SLC9A4: variants seen among roughly 807,000 people sequenced by gnomAD.
SLC9A4 encodes sodium/hydrogen exchanger 4.
In SLC9A4, 63 loss-of-function variants were observed where a neutral mutation model predicts 67.4. The ratio of observed to expected loss-of-function variants is 0.93; its 90% CI spans 0.76 to 1.15. SLC9A4 has a LOEUF of 1.15. Among genes scored for constraint, SLC9A4 ranks in the 50% most tolerant of loss-of-function variants. SLC9A4 has a pLI of 0.00. For synonymous variants in SLC9A4, 393 were observed against 367.2 expected, an observed-to-expected ratio of 1.07 and a Z score of -0.80; for missense variants, 1,089 against 987.7, an observed-to-expected ratio of 1.10 and a Z score of -1.38.
At chr2:102,513,707 T>C (rs988606769) in intron 7 of SLC9A4, among the ~76,000 whole-genome samples, 1 of 152,256 alleles carries the variant, frequency 6.6e-6, no homozygotes, top group East Asian at 1.9e-4. Flanking sequence ...GCCGCTGTTA[T>C]GCGCTATTAG....
At chr2:102,524,206 T>C (rs1197537329) in intron 9 of SLC9A4, among the ~76,000 whole-genome samples, 1 of 152,262 alleles carries the variant, frequency 6.6e-6, no homozygotes, top group Non-Finnish European at 1.5e-5. Flanking sequence ...GAGCCCCTGC[T>C]GTCCCAATCC....
At chr2:102,506,014 A>G (rs1208748744) in intron 4 of SLC9A4, among the ~76,000 whole-genome samples, 2 of 152,224 alleles carry the variant, frequency 1.3e-5, no homozygotes, top group African/African-American at 4.8e-5. Flanking sequence ...AGGTGGTTTC[A>G]TTTGAGGGTT....
rs756778860 is a variant in SLC9A4, at chr2:102,512,459, G to A, written c.1559+186G>A. On this transcript the variant is annotated intron_variant, in intron 7 of 11. Coordinates refer to ENST00000295269, the MANE Select transcript of SLC9A4 (RefSeq NM_001011552.4). The stretch of plus-strand genomic sequence containing the variant: ...CTGGAAAATGAAGAATTGTCAGGTG[G>A]AAGACGCAGTTGACTTGGTGTAGGT... Among the ~76,000 whole-genome samples the A allele has an allele frequency of 1.9e-4, 29 of 152,348 alleles. No homozygotes were observed. The Middle Eastern group carries it at 0.01, about 54-fold the overall frequency.
At chr2:102,526,601 T>C (rs147163478) in intron 11 of SLC9A4, among the ~76,000 whole-genome samples, 29 of 152,326 alleles carry the variant, frequency 1.9e-4, no homozygotes, top group African/African-American at 6.7e-4. Context: ...AAAAATGTAC[T>C]AACCATTTGT....
chr2:102,507,227 A>C (rs572106231), intron 4 of SLC9A4, among the ~76,000 whole-genome samples: 3 of 152,254 alleles, frequency 2.0e-5, no homozygotes, highest in Non-Finnish European at 2.9e-5. Flanking sequence ...AAATTCACTT[A>C]TCTTTTGCAC....
chr2:102,526,329 G>T lies in SLC9A4; in HGVS notation c.2021G>T (p.Arg674Met), dbSNP rs773038353. The change falls in exon 11 of 12, where the codon AGG (arginine) becomes ATG (methionine). Residue 674 changes from arginine (R) to methionine (M), a missense_variant. By Grantham distance (91) the Arg-to-Met change is moderately conservative. Transcript: ENST00000295269. ...CCTCAGTCTGCAGGAAGAGACACAA[G>T]GGCTGCTGGGTTCTCAGGTAAGCTG... ...GNPQSAGRDT[R>M]AAGFSDDDSS... 7 of 1,613,650 alleles carry T rather than the reference G, an allele frequency of 4.3e-6. No homozygotes were observed. The South Asian group carries it at 7.7e-5, about 18-fold the overall frequency.
chr2:102,505,548 A>G, intron 4 of SLC9A4, 77 bp downstream of exon 4: 2 of 1,403,782 alleles, frequency 1.4e-6, no homozygotes, highest in East Asian at 4.6e-5. Flanking sequence ...CAATGTTAAA[A>G]CTGGAGGACT....
chr2:102,475,459 G>T (rs1163472414), intron 1 of SLC9A4, among the ~76,000 whole-genome samples: 13 of 152,158 alleles, frequency 8.5e-5, no homozygotes, highest in Non-Finnish European at 1.5e-5. Context: ...ACATCTAAAC[G>T]CAGAAAGGCT....
In SLC9A4 at chr2:102,532,945, C is replaced by T; in HGVS notation, c.*257C>T. The T allele has an allele frequency of 2.8e-6, 1 of 351,188 alleles. No individual in the cohort carries two copies. The highest frequency in any genetic ancestry group is 5.2e-6 in the Non-Finnish European group (1 of 191,920). The allele number at this position is 351,188 out of a possible 1,614,324, so 21.8% of individuals were successfully genotyped here. On this transcript the variant is annotated 3_prime_UTR_variant, in exon 12 of 12. Coordinates refer to ENST00000295269, the MANE Select transcript of SLC9A4 (RefSeq NM_001011552.4). ...GAAGTTGATCACCCCAGGAATTAGT[C>T]ACTAAGAATTCCTAAGAACTTTCTA...
At chr2:102,485,931 G>A (rs1436564251) in intron 2 of SLC9A4, among the ~76,000 whole-genome samples, 1 of 152,084 alleles carries the variant, frequency 6.6e-6, no homozygotes, top group Non-Finnish European at 1.5e-5. Context: ...GAGTCCCAGG[G>A]TCCTATCTCT....
At chr2:102,481,112 G>A (rs772519866) in intron 2 of SLC9A4, among the ~76,000 whole-genome samples, 4 of 152,184 alleles carry the variant, frequency 2.6e-5, no homozygotes, top group Non-Finnish European at 4.4e-5. Context: ...ACCTTATCCA[G>A]GGATCGGCGT....
At chr2:102,502,170 A>C (rs1370822378) in intron 2 of SLC9A4, among the ~76,000 whole-genome samples, 1 of 152,060 alleles carries the variant, frequency 6.6e-6, no homozygotes, top group Non-Finnish European at 1.5e-5. Context: ...TTCTGCAGAG[A>C]TCTTCGTTCA....
chr2:102,524,609 T>A (rs1296908419), intron 9 of SLC9A4, among the ~76,000 whole-genome samples: 1 of 150,344 alleles, frequency 6.7e-6, no homozygotes, highest in East Asian at 2.0e-4. Flanking sequence ...TGTGTAGGTA[T>A]CCTTAATTGG....
At chr2:102,474,151 C>G in intron 1 of SLC9A4, 136 bp downstream of exon 1, 5 of 1,057,328 alleles carry the variant, frequency 4.7e-6, no homozygotes, top group Non-Finnish European at 6.7e-6. Flanking sequence ...TCCCTTCAGT[C>G]AAGGGAAAGT....
At chr2:102,488,706 G>A (rs1227565038) in intron 2 of SLC9A4, among the ~76,000 whole-genome samples, 4 of 151,908 alleles carry the variant, frequency 2.6e-5, no homozygotes, top group Admixed American at 6.5e-5. Flanking sequence ...CCACCACCAC[G>A]CCCGGCTAAT....
intron 2 of SLC9A4, among the ~76,000 whole-genome samples, chr2:102,482,279 C>A (rs1161075479): frequency 6.6e-6 from 1 of 152,144 alleles, no homozygotes; most frequent in Non-Finnish European, 1.5e-5. Context: ...ACCCTCTGAC[C>A]CAGACTGTCT....
intron 2 of SLC9A4, among the ~76,000 whole-genome samples, chr2:102,484,230 G>C (rs1379326253): frequency 6.6e-6 from 1 of 152,086 alleles, no homozygotes. Context: ...AGCAGACATG[G>C]GTGTGCACAG....
chr2:102,522,169 A>T (rs1174416266), intron 9 of SLC9A4, among the ~76,000 whole-genome samples: 2 of 152,220 alleles, frequency 1.3e-5, no homozygotes, highest in Non-Finnish European at 2.9e-5. Flanking sequence ...GACCTCCAGG[A>T]TAGGTCACAG....
rs940495496 is a variant in SLC9A4 at position 102,522,857 on chromosome 2, C to G, written c.1819-2167C>G. 2.0e-5 allele frequency among the ~76,000 whole-genome samples: 3 copies of G among 152,168 alleles called. No homozygotes were observed. In the South Asian group the frequency reaches 6.2e-4, roughly 32 times the overall value. ...TCAACTTCTTGGGGCAAATTCTTGTCAGATCTGTTAATTTGCCAAAAGTGG... is the reference window on the plus strand; with the variant it reads ...TCAACTTCTTGGGGCAAATTCTTGTGAGATCTGTTAATTTGCCAAAAGTGG... On this transcript the variant is annotated intron_variant, in intron 9 of 11. Coordinates refer to ENST00000295269, the MANE Select transcript of SLC9A4 (RefSeq NM_001011552.4).
Sources: gnomAD v4.1 joint callset for allele counts (sites outside exome capture counted in the v4.1 genomes callset) on GRCh38, gnomAD v4.1.1 for gene constraint, MANE v1.5 for transcripts, NCBI Gene and HGNC (gene_info 2026-07-23, HGNC 2026-07-21) for gene names.